Variants in ANKRD30B observed in about 807,000 individuals in gnomAD.
ANKRD30B encodes ankyrin repeat domain 30B.
Under a neutral mutation model 202.2 loss-of-function variants are expected in ANKRD30B, and 144 were observed. The ratio of observed to expected loss-of-function variants is 0.71; its 90% CI spans 0.62 to 0.82. The LOEUF (loss-of-function observed/expected upper bound fraction) is 0.82. ANKRD30B is among the 40% of genes least tolerant of loss of function. The pLI is 0.00. For missense variants in ANKRD30B, 1,487 were observed against 1,669.1 expected (o/e 0.89, Z 1.90); for synonymous variants, 508 against 561.3 (o/e 0.91, Z 1.34).
At chr18:14,881,734 G>A in the ANKRD30B span, among the ~76,000 whole-genome samples, 60,426 of 151,242 alleles carry the variant, frequency 0.4, 13,389 homozygotes, top group East Asian at 0.58. Context: ...TCTGGTCCTC[G>A]GCTTTTTTTT....
the ANKRD30B span, among the ~76,000 whole-genome samples, chr18:14,871,814 TAGG>T: frequency 3.9e-5 from 6 of 152,194 alleles, no homozygotes; most frequent in South Asian, 1.2e-3. Context: ...CAGTGGAGCC[TAGG>T]AGTTGTCAAT....
At chr18:14,901,329 A>G in the ANKRD30B span, among the ~76,000 whole-genome samples, 5 of 152,226 alleles carry the variant, frequency 3.3e-5, no homozygotes, top group African/African-American at 1.2e-4. Flanking sequence ...TCTTGAATGT[A>G]GGTTTTTGAT....
chr18:14,757,273 C>T (rs1204667185), intron 4 of ANKRD30B, among the ~76,000 whole-genome samples: 1 of 152,056 alleles, frequency 6.6e-6, no homozygotes, highest in African/African-American at 2.4e-5. Flanking sequence ...TTACATAATA[C>T]CGAGTATGAC....
the ANKRD30B span, among the ~76,000 whole-genome samples, chr18:14,900,788 C>G: frequency 6.6e-6 from 1 of 152,128 alleles, no homozygotes; most frequent in Non-Finnish European, 1.5e-5. Flanking sequence ...TTTGTGCTCA[C>G]TTTTAATCCC....
At chr18:14,757,719 T>A (rs1598568506) in intron 4 of ANKRD30B, 96 bp from the exon 5 acceptor site, 1 of 1,330,742 alleles carries the variant, frequency 7.5e-7, no homozygotes, top group East Asian at 2.4e-5. Flanking sequence ...CTCAAGATAC[T>A]TATGTTTGTT....
chr18:14,796,058 T>C (rs1396073613), intron 16 of ANKRD30B, among the ~76,000 whole-genome samples, 163 bp from the exon 17 acceptor site: 1 of 152,184 alleles, frequency 6.6e-6, no homozygotes, highest in Non-Finnish European at 1.5e-5. Flanking sequence ...TTCTGTCCCG[T>C]TGGCATGTTA....
intron 16 of ANKRD30B, among the ~76,000 whole-genome samples, chr18:14,791,917 A>G (rs9283029): frequency 0.57 from 87,116 of 151,782 alleles, 25,762 homozygotes; most frequent in African/African-American, 0.72. Flanking sequence ...TGACTTTCTA[A>G]TGCCAAAACA....
rs949989999 is a variant in ANKRD30B, at chr18:14,854,634, C to A, written c.*476C>A. ...TCTCCCATTTAGGTACAAGCCTAGA[C>A]AGACAGGAACACTTTTTTATAATTA... On this transcript the variant is annotated 3_prime_UTR_variant, in exon 44 of 44. Transcript: ENST00000690538. Among the ~76,000 whole-genome samples, 10 of 152,196 alleles carry A rather than the reference C, an allele frequency of 6.6e-5. No homozygotes were observed. Among genetic ancestry groups the A allele is most frequent in the African/African-American group, 2.2e-4 (9 of 41,440 alleles).
At chr18:14,824,458 A>T (rs369237940) in intron 32 of ANKRD30B, among the ~76,000 whole-genome samples, 2 of 152,138 alleles carry the variant, frequency 1.3e-5, no homozygotes, top group East Asian at 3.9e-4. Flanking sequence ...GACTCAAGTG[A>T]TTCTCCTCCA....
At chr18:14,748,730 G>T in intron 1 of ANKRD30B, 90 bp downstream of exon 1, 3 of 1,299,004 alleles carry the variant, frequency 2.3e-6, no homozygotes, top group Non-Finnish European at 3.1e-6. Context: ...GGGTCCTGGG[G>T]ACGAGGGGAG....
At chr18:14,765,166 A>C (rs1313082219) in intron 7 of ANKRD30B, among the ~76,000 whole-genome samples, 1 of 152,162 alleles carries the variant, frequency 6.6e-6, no homozygotes, top group Non-Finnish European at 1.5e-5. Flanking sequence ...GCCAGATAGG[A>C]AATATGTTAG....
chr18:14,799,274 G>C lies in ANKRD30B; in HGVS notation c.2110G>C (p.Asp704His), dbSNP rs765740475. 1.3e-6 allele frequency: 2 copies of C among 1,543,612 alleles called. No individual in the cohort carries two copies. Among genetic ancestry groups the C allele is most frequent in the East Asian group, 2.5e-5 (1 of 40,744 alleles). Residue 704 changes from aspartate (D) to histidine (H), a missense_variant, in exon 22 of 44, where the codon GAC becomes CAC. Physicochemically the swap from Asp to His is moderately conservative, Grantham distance 81. This residue lies in a region of ANKRD30B where 889 missense variants were observed against 841.4 expected (regional missense o/e 1.06). Transcript: ENST00000690538. Reference protein sequence around the residue: ...SLPNKALELKDRETFKAAQMF... With the variant: ...SLPNKALELKHRETFKAAQMF... ...TCCAAATAAAGCTTTAGAATTGAAG[G>C]ACAGAGAAACATTCAAAGCAGGTAA...
chr18:14,924,007 T>C, the ANKRD30B span, among the ~76,000 whole-genome samples: 1 of 152,188 alleles, frequency 6.6e-6, no homozygotes, highest in South Asian at 2.1e-4. Context: ...ATGTACTCTG[T>C]GCTTATATGT....
chr18:14,789,890 A>G (rs1380480852), intron 15 of ANKRD30B, among the ~76,000 whole-genome samples: 3 of 152,138 alleles, frequency 2.0e-5, no homozygotes, highest in Non-Finnish European at 4.4e-5. Flanking sequence ...TTTTGGTTAC[A>G]TATGAACTTT....
chr18:14,844,970 A>G lies in ANKRD30B; in HGVS notation c.3181+1874A>G, dbSNP rs551296373. ...TTAAAACTTGTTTAAGTTCTTGTAC[A>G]TTCTGGATTTAGCCCTTTGTCAGAT... On this transcript the variant is annotated intron_variant, in intron 39 of 43. Transcript: ENST00000690538. Among the ~76,000 whole-genome samples, 11 of 152,004 alleles carry G rather than the reference A, an allele frequency of 7.2e-5. No individual in the cohort carries two copies. The East Asian group carries it at 1.9e-3, about 27-fold the overall frequency.
intron 30 of ANKRD30B, among the ~76,000 whole-genome samples, 155 bp from the exon 31 acceptor site, chr18:14,822,328 T>A (rs957954606): frequency 6.6e-6 from 1 of 152,052 alleles, no homozygotes; most frequent in Non-Finnish European, 1.5e-5. Flanking sequence ...CTCTGGCATG[T>A]TAACAAACAC....
At chr18:14,831,181 G>GGAA (rs1267118242) in intron 33 of ANKRD30B, among the ~76,000 whole-genome samples, 1 of 52,358 alleles carries the variant, frequency 1.9e-5, no homozygotes, top group African/African-American at 7.5e-5. Context: ...CTCCGTCTCG[G>GGAA]AAAAAAAAAA....
At chr18:14,781,667 C>T (rs1412839101) in intron 11 of ANKRD30B, among the ~76,000 whole-genome samples, 1 of 54,324 alleles carries the variant, frequency 1.8e-5, no homozygotes, top group Non-Finnish European at 4.2e-5. Flanking sequence ...CTTGCAGACC[C>T]CTGACCCAGG....
chr18:14,831,181 G>GAAAAAAAAAAAA (rs71305894), intron 33 of ANKRD30B, among the ~76,000 whole-genome samples: 620 of 52,088 alleles, frequency 0.012, 29 homozygotes, highest in Middle Eastern at 0.023. Context: ...CTCCGTCTCG[G>GAAAAAAAAAAAA]AAAAAAAAAA....
Sources: gnomAD v4.1 joint callset for allele counts (sites outside exome capture counted in the v4.1 genomes callset) on GRCh38, gnomAD v4.1.1 for gene constraint, gnomAD v4.1.1 regional missense constraint, MANE v1.5 for transcripts, NCBI Gene and HGNC (gene_info 2026-07-23, HGNC 2026-07-21) for gene names.